MYO3B: variants seen among roughly 807,000 people sequenced by gnomAD.
MYO3B encodes the protein myosin IIIB, also known as myosin-IIIb.
Under a neutral mutation model 174.6 loss-of-function variants are expected in MYO3B, and 156 were observed. That is an observed-to-expected ratio of 0.89 (90% CI 0.78 to 1.02). The LOEUF (loss-of-function observed/expected upper bound fraction) is 1.02, where lower values mean the gene tolerates loss of function less well. Among genes scored for constraint, MYO3B ranks in the 50% least tolerant of loss-of-function variants. MYO3B has a pLI of 0.00. For missense variants in MYO3B, 1,632 were observed against 1,639.4 expected, an observed-to-expected ratio of 1.00 and a Z score of 0.08; for synonymous variants, 563 against 569.1, an observed-to-expected ratio of 0.99 and a Z score of 0.15.
chr2:170,363,063 C>T (rs887556661), intron 8 of MYO3B, among the ~76,000 whole-genome samples: 1 of 152,144 alleles, frequency 6.6e-6, no homozygotes, highest in Admixed American at 6.5e-5. Flanking sequence ...ATGATAGCAA[C>T]CACAGGGCAG....
At chr2:170,403,738 A>T (rs1484892511) in intron 19 of MYO3B, among the ~76,000 whole-genome samples, 2 of 152,218 alleles carry the variant, frequency 1.3e-5, no homozygotes, top group African/African-American at 4.8e-5. Flanking sequence ...ATTTAGTGAA[A>T]ATACCAGCAT....
At chr2:170,504,833 C>A (rs1425063716) in intron 28 of MYO3B, among the ~76,000 whole-genome samples, 1 of 152,044 alleles carries the variant, frequency 6.6e-6, no homozygotes, top group Non-Finnish European at 1.5e-5. Context: ...AATTGTGGGC[C>A]CTTCATTCAG....
chr2:170,444,061 TG>T lies in MYO3B; in HGVS notation c.2730+16del. 6.2e-7 allele frequency: 1 copy of T among 1,608,864 alleles called. No homozygotes were observed. ...GGAAAGCCAAGGTGAGTAACAGATT[TG>T]CACCAAATATAGTATGGACTGGCAG... On this transcript the variant is annotated intron_variant, in intron 23 of 34. Transcript: ENST00000408978.
intron 30 of MYO3B, among the ~76,000 whole-genome samples, chr2:170,528,751 G>A (rs144048632): frequency 7.7e-4 from 118 of 152,272 alleles, no homozygotes; most frequent in African/African-American, 2.8e-3. Context: ...GACGATGGAC[G>A]GTTTGGCATG....
chr2:170,333,502 A>G (rs2093926202), intron 7 of MYO3B, among the ~76,000 whole-genome samples: 1 of 152,226 alleles, frequency 6.6e-6, no homozygotes, highest in South Asian at 2.1e-4. Flanking sequence ...CGTATGCAGA[A>G]CAGATAAATC....
At chr2:170,390,705 C>A (rs1329395822) in intron 14 of MYO3B, among the ~76,000 whole-genome samples, 1 of 152,094 alleles carries the variant, frequency 6.6e-6, no homozygotes, top group Non-Finnish European at 1.5e-5. Flanking sequence ...CTGTCCTCCT[C>A]CAGAGGAAAG....
intron 32 of MYO3B, among the ~76,000 whole-genome samples, chr2:170,589,792 A>C (rs543784515): frequency 6.6e-6 from 1 of 152,340 alleles, no homozygotes; most frequent in African/African-American, 2.4e-5. Context: ...TATAGTGTTT[A>C]TAAACTCTGG....
intron 7 of MYO3B, among the ~76,000 whole-genome samples, chr2:170,301,472 A>G (rs1481924190): frequency 6.6e-6 from 1 of 152,176 alleles, no homozygotes; most frequent in Non-Finnish European, 1.5e-5. Context: ...GGCACAAAAC[A>G]TGATCAAAAT....
chr2:170,307,804 A>C (rs1221422618), intron 7 of MYO3B, among the ~76,000 whole-genome samples: 2 of 152,194 alleles, frequency 1.3e-5, no homozygotes, highest in African/African-American at 2.4e-5. Flanking sequence ...TCTGCTTTTA[A>C]TTACATGCAA....
Position 170,382,027 on chromosome 2 carries a change from T to G in MYO3B, c.983T>G (p.Met328Arg). 6.2e-7 allele frequency: 1 copy of G among 1,613,046 alleles called. No individual in the cohort carries two copies. The highest frequency in any genetic ancestry group is 8.5e-7 in the Non-Finnish European group (1 of 1,179,196). ...NPVAKTRHERMHTRRPYHVED... is the reference protein window; with the variant it reads ...NPVAKTRHERRHTRRPYHVED... The stretch of plus-strand genomic sequence containing the variant: ...TGATAAATTTCTAGGCATGAGAGGA[T>G]GCATACCAGAAGACCTTATCATGTG... The change falls in exon 10 of 35, where the codon ATG becomes AGG. Residue 328 changes from methionine to arginine, a missense_variant. Met to Arg is a moderately conservative substitution (Grantham distance 91). Coordinates refer to ENST00000408978, the MANE Select transcript of MYO3B (RefSeq NM_138995.5).
chr2:170,253,362 T>G (rs1378055085), intron 7 of MYO3B, among the ~76,000 whole-genome samples: 1 of 152,166 alleles, frequency 6.6e-6, no homozygotes, highest in Non-Finnish European at 1.5e-5. Flanking sequence ...AAACAGGAGC[T>G]TCCATTTTCC....
chr2:170,236,275 A>C, intron 7 of MYO3B, 139 bp downstream of exon 7: 22 of 997,636 alleles, frequency 2.2e-5, no homozygotes, highest in East Asian at 9.0e-5. Flanking sequence ...TTGAAAAAGC[A>C]AGGGGGGCTG....
intron 22 of MYO3B, among the ~76,000 whole-genome samples, chr2:170,424,548 T>C (rs760265633): frequency 1.1e-4 from 16 of 151,366 alleles, no homozygotes; most frequent in Admixed American, 6.6e-5. Context: ...ACCAGGGAGG[T>C]GGAGGTTGCA....
intron 7 of MYO3B, among the ~76,000 whole-genome samples, chr2:170,277,995 C>T (rs921217679): frequency 6.6e-5 from 10 of 152,152 alleles, no homozygotes; most frequent in Admixed American, 3.9e-4. Flanking sequence ...AAGATAGAGA[C>T]ATTTTCAATG....
At chr2:170,387,361 A>T in intron 14 of MYO3B, 53 bp downstream of exon 14, 1 of 1,543,920 alleles carries the variant, frequency 6.5e-7, no homozygotes, top group African/African-American at 1.4e-5. Flanking sequence ...AAACTGGGAG[A>T]CTTTGGAAAT....
intron 30 of MYO3B, chr2:170,519,972 CAAAA>C (rs11315187): frequency 2.7e-4 from 25 of 92,330 alleles, no homozygotes; most frequent in African/African-American, 6.1e-4. Context: ...GACTCTGTCT[CAAAA>C]AAAAAAAAAA....
intron 1 of MYO3B, among the ~76,000 whole-genome samples, chr2:170,185,725 G>T (rs2092453909): frequency 6.6e-6 from 1 of 152,148 alleles, no homozygotes; most frequent in Non-Finnish European, 1.5e-5. Flanking sequence ...TCTGTAGATT[G>T]CTTTGGGTAG....
At chr2:170,556,005 G>A (rs1373186590) in intron 32 of MYO3B, among the ~76,000 whole-genome samples, 1 of 152,082 alleles carries the variant, frequency 6.6e-6, no homozygotes, top group Non-Finnish European at 1.5e-5. Flanking sequence ...AGACCAGCCT[G>A]AGAAACATGA....
chr2:170,529,982 A>G (rs1689254392), intron 30 of MYO3B, among the ~76,000 whole-genome samples: 1 of 152,198 alleles, frequency 6.6e-6, no homozygotes, highest in East Asian at 1.9e-4. Context: ...TCCTCACTAT[A>G]AAAAACAAAT....
Sources: allele counts gnomAD v4.1 joint callset (sites outside exome capture counted in the v4.1 genomes callset), GRCh38; gene constraint gnomAD v4.1.1; transcripts MANE v1.5; gene names NCBI Gene and HGNC (gene_info 2026-07-23, HGNC 2026-07-21).